The following PCDHA8 variants were observed in gnomAD, a reference collection of about 807,000 sequenced individuals.
PCDHA8 encodes protocadherin alpha 8.
A neutral mutation model predicts 61.8 loss-of-function variants in PCDHA8; 53 were observed. That is an observed-to-expected ratio of 0.86 (90% confidence interval 0.69 to 1.08). The LOEUF is 1.08. Among genes scored for constraint, PCDHA8 ranks in the 50% least tolerant of loss-of-function variants. The pLI is 0.00. For synonymous variants in PCDHA8, 618 were observed against 556.6 expected (o/e 1.11, Z -1.55); for missense variants, 1,293 against 1,245.0 (o/e 1.04, Z -0.58).
At chr5:140,980,494 A>T (rs868915196) in intron 2 of PCDHA8, among the ~76,000 whole-genome samples, 1 of 152,106 alleles carries the variant, frequency 6.6e-6, no homozygotes, top group African/African-American at 2.4e-5. Context: ...GCTGGGCGTG[A>T]TGGCATGTGC....
chr5:140,854,159 CAAAAAA>C, intron 1 of PCDHA8: 1 of 339,904 alleles, frequency 2.9e-6, no homozygotes, highest in Middle Eastern at 1.4e-3. Flanking sequence ...GATTCTGTCT[CAAAAAA>C]AAAAAAAAAA....
intron 1 of PCDHA8, among the ~76,000 whole-genome samples, chr5:140,970,416 G>A (rs536181177): frequency 2.4e-4 from 36 of 152,326 alleles, no homozygotes; most frequent in African/African-American, 8.2e-4. Context: ...CTACAGTAAG[G>A]TGTAGAGGCA....
At chr5:140,849,834 G>C in intron 1 of PCDHA8, 1 of 1,598,606 alleles carries the variant, frequency 6.3e-7, no homozygotes, top group South Asian at 1.1e-5. Flanking sequence ...GGAGGTGGCC[G>C]ACGTGAACGA....
At chr5:140,886,772 G>A (rs910164045) in intron 1 of PCDHA8, among the ~76,000 whole-genome samples, 16 of 143,450 alleles carry the variant, frequency 1.1e-4, no homozygotes, top group Non-Finnish European at 1.8e-4. Flanking sequence ...GTTGCAGTGA[G>A]ATGAGATCAT....
intron 1 of PCDHA8, among the ~76,000 whole-genome samples, chr5:140,920,418 G>C (rs1355987486): frequency 6.6e-6 from 1 of 151,868 alleles, no homozygotes; most frequent in Non-Finnish European, 1.5e-5. Flanking sequence ...AGATACAGCT[G>C]TTCTCCCACA....
chr5:140,975,126 A>G (rs1334807357), intron 1 of PCDHA8, among the ~76,000 whole-genome samples: 6 of 152,074 alleles, frequency 3.9e-5, no homozygotes, highest in Admixed American at 2.6e-4. Flanking sequence ...CCTACTTACT[A>G]TTGGCCTGGG....
rs1437399739 is a variant in PCDHA8, at chr5:140,853,000, TC to T, written c.2394+9288del. 9.7e-6 allele frequency: 3 copies of T among 308,008 alleles called. No homozygotes were observed. The East Asian group carries it at 5.1e-4, about 53-fold the overall frequency. 19.1% of individuals were successfully genotyped at this position (308,008 alleles called of 1,614,324 possible). ...TTCACGCCATTCTCCTGCCTCAGCC[TC>T]CCGAGTAGCTGGGACTACAGGCGCC... On this transcript the variant is annotated intron_variant, in intron 1 of 3. Transcript: ENST00000531613.
chr5:140,899,653 T>C (rs1478658505), intron 1 of PCDHA8, among the ~76,000 whole-genome samples: 1 of 152,220 alleles, frequency 6.6e-6, no homozygotes, highest in African/African-American at 2.4e-5. Context: ...TATTTGGTTG[T>C]GTCTCTGCCC....
At chr5:140,876,883 G>A in intron 1 of PCDHA8, 2 of 1,614,132 alleles carry the variant, frequency 1.2e-6, no homozygotes, top group Non-Finnish European at 1.7e-6. Context: ...CAACCCGCCG[G>A]GCTGCCACAT....
Position 140,842,781 on chromosome 5 carries a change from A to G in PCDHA8, c.1460A>G (p.Asn487Ser). The part of the protein sequence containing the change: ...VSARDADAQE[N>S]ALVSYSLVER... ...GCGCGAGACGCGGACGCGCAGGAGA[A>G]CGCGCTGGTGTCCTACTCGCTTGTG... is the stretch of plus-strand genomic sequence containing the variant. Residue 487 changes from asparagine to serine, a missense_variant, in exon 1 of 4, where the codon AAC becomes AGC. Transcript: ENST00000531613. The G allele has an allele frequency of 1.3e-6, 2 of 1,594,512 alleles. 1 individual carries two copies. Among genetic ancestry groups the G allele is most frequent in the Non-Finnish European group, 1.7e-6 (2 of 1,165,394 alleles).
chr5:140,849,910 G>A, intron 1 of PCDHA8: 1 of 1,598,272 alleles, frequency 6.3e-7, no homozygotes. Flanking sequence ...CCGCCGGGCT[G>A]CCACATCTTC....
At chr5:141,009,389 G>A (rs1234679148) in intron 3 of PCDHA8, among the ~76,000 whole-genome samples, 1 of 152,178 alleles carries the variant, frequency 6.6e-6, no homozygotes, top group Non-Finnish European at 1.5e-5. Context: ...AGCACAGGAG[G>A]TCGAGGCTGC....
intron 1 of PCDHA8, chr5:140,870,851 C>A: frequency 6.2e-7 from 1 of 1,613,838 alleles, no homozygotes; most frequent in Non-Finnish European, 8.5e-7. Flanking sequence ...GTACCGCGGT[C>A]GGTGGGTGCG....
chr5:140,877,467 G>A (rs1554169776), intron 1 of PCDHA8: 1 of 1,613,750 alleles, frequency 6.2e-7, no homozygotes, highest in African/African-American at 1.3e-5. Flanking sequence ...CGGCCACGGT[G>A]CTGGTGTCGC....
At chr5:140,929,391 A>G in intron 1 of PCDHA8, 1 of 1,511,404 alleles carries the variant, frequency 6.6e-7, no homozygotes, top group South Asian at 1.4e-5. Flanking sequence ...GTTTTGAAAT[A>G]TTTCTTAGAC....
rs17119229 is a variant in PCDHA8, at chr5:140,842,497, T to C, written c.1176T>C (p.His392=). ...AGGTGACCTGCTCCCTGATGCCCCA[T>C]GTCCCCTTCAAGCTGGTGTCCACCT... is the stretch of plus-strand genomic sequence containing the variant. The part of the protein sequence containing the change: ...NGQVTCSLMP[H]VPFKLVSTFK... Residue 392 remains histidine, a synonymous_variant, in exon 1 of 4, where the codon CAT becomes CAC. Transcript: ENST00000531613. 27 of 1,613,862 alleles carry C rather than the reference T, an allele frequency of 1.7e-5. No homozygotes were observed. The South Asian group carries it at 1.8e-4, about 11-fold the overall frequency.
intron 1 of PCDHA8, chr5:140,865,913 C>G (rs2049050417): frequency 6.6e-6 from 1 of 152,098 alleles, no homozygotes; most frequent in African/African-American, 2.4e-5. Flanking sequence ...ATCTTTCTTT[C>G]TGTTGTGCTT....
intron 1 of PCDHA8, chr5:140,876,327 G>T: frequency 6.2e-7 from 1 of 1,614,026 alleles, no homozygotes. Flanking sequence ...AAATGATTTT[G>T]CCAGTGAGTG....
intron 1 of PCDHA8, among the ~76,000 whole-genome samples, chr5:140,919,231 CT>C (rs2079047316): frequency 6.6e-6 from 1 of 152,160 alleles, no homozygotes; most frequent in African/African-American, 2.4e-5. Context: ...TCTAGTAACA[CT>C]TTTTGTCTTG....
Sources: gnomAD v4.1 joint callset for allele counts (sites outside exome capture counted in the v4.1 genomes callset) on GRCh38, gnomAD v4.1.1 for gene constraint, MANE v1.5 for transcripts, NCBI Gene and HGNC (gene_info 2026-07-23, HGNC 2026-07-21) for gene names.